The following SMAD7 variants were observed in gnomAD, a reference collection of about 807,000 sequenced individuals.
SMAD7 encodes SMAD family member 7.
In SMAD7, 8 loss-of-function variants were observed where a neutral mutation model predicts 38.7. The observed-to-expected ratio is 0.21, with a 90% CI of 0.12 to 0.37. SMAD7 has a LOEUF of 0.37. Among genes scored for constraint, SMAD7 ranks in the 10% least tolerant of loss-of-function variants. The probability of loss-of-function intolerance (pLI) is 1.00; values close to 1 mark genes in which losing one functional copy is unlikely to be tolerated. For missense variants in SMAD7, 477 were observed against 577.9 expected, an observed-to-expected ratio of 0.83 and a Z score of 1.79; for synonymous variants, 327 against 265.1, an observed-to-expected ratio of 1.23 and a Z score of -2.27.
intron 3 of SMAD7, among the ~76,000 whole-genome samples, chr18:48,942,026 T>C (rs2070146068): frequency 6.6e-6 from 1 of 152,210 alleles, no homozygotes; most frequent in South Asian, 2.1e-4. Context: ...AAGCCTCAGA[T>C]CTACTCTGAA....
intron 3 of SMAD7, among the ~76,000 whole-genome samples, chr18:48,929,573 T>TCACACACACACACACACACACA (rs6146310): frequency 1.5e-5 from 2 of 137,324 alleles, no homozygotes; most frequent in African/African-American, 5.7e-5. Context: ...TCTCTCTCAC[T>TCACACACACACACACACACACA]CACACACACA....
At position 48,921,185 on chromosome 18, in the gene SMAD7, C is replaced by T. The variant is rs1599217008; in HGVS notation, c.*187G>A. ...AACCCCCAACAATTCTTTTCATAAG[C>T]TATTTCTCAAAGAGCGAAACAAAAC... On this transcript the variant is annotated 3_prime_UTR_variant, in exon 4 of 4. Coordinates refer to ENST00000262158, the MANE Select transcript of SMAD7 (RefSeq NM_005904.4). The surrounding 1 kb of genome is among the most constrained non-coding windows in gnomAD (Gnocchi z 6.4). 7 of 580,848 alleles carry T rather than the reference C, an allele frequency of 1.2e-5. No individual in the cohort carries two copies. In the East Asian group the frequency reaches 2.0e-4, roughly 17 times the overall value. 36.0% of individuals were successfully genotyped at this position (580,848 alleles called of 1,614,324 possible). A position where few individuals can be genotyped will look rare whatever the true frequency, so the allele number is the denominator to read the frequency against.
intron 2 of SMAD7, among the ~76,000 whole-genome samples, chr18:48,944,480 C>T (rs893795412): frequency 1.3e-5 from 2 of 152,208 alleles, no homozygotes; most frequent in Admixed American, 6.5e-5. Flanking sequence ...GATTTACAAA[C>T]GTTAATTAAG....
rs71165354 is a variant in SMAD7 at position 48,937,264 on chromosome 18, A to ATGTGTGTGTGTGTGTGTGTG, written c.742+5197_742+5216dup. 5.8e-4 allele frequency among the ~76,000 whole-genome samples: 70 copies of ATGTGTGTGTGTGTGTGTGTG among 119,872 alleles called. 2 individuals carry two copies. The highest frequency in any genetic ancestry group is 1.4e-3 in the African/African-American group (41 of 29,878). The allele number at this position is 119,872 out of a possible 152,430, so 78.6% of individuals were successfully genotyped here. On this transcript the variant is annotated intron_variant, in intron 3 of 3. Coordinates refer to ENST00000262158, the MANE Select transcript of SMAD7 (RefSeq NM_005904.4). ...CAGTCAGGCTTTGCTAAGTAAAGGCATGTGTGTGTGTGTGTGTGTGTGTGT... is the reference window on the plus strand; with the variant it reads ...CAGTCAGGCTTTGCTAAGTAAAGGCATGTGTGTGTGTGTGTGTGTGTGTGTGTGTGTGTGTGTGTGTGTGT...
At chr18:48,942,371 G>A (rs1444826948) in intron 3 of SMAD7, 110 bp downstream of exon 3, 1 of 717,606 alleles carries the variant, frequency 1.4e-6, no homozygotes, top group Non-Finnish European at 2.4e-6. Flanking sequence ...ATAAAAATGA[G>A]AATGAAGTCC....
chr18:48,936,405 G>A (rs529499550), intron 3 of SMAD7, among the ~76,000 whole-genome samples: 15 of 152,280 alleles, frequency 9.9e-5, no homozygotes, highest in African/African-American at 3.1e-4. Flanking sequence ...GAATACATTC[G>A]GTGAACTGTG....
At chr18:48,929,742 T>C (rs964549418) in intron 3 of SMAD7, among the ~76,000 whole-genome samples, 4 of 151,952 alleles carry the variant, frequency 2.6e-5, no homozygotes, top group Non-Finnish European at 5.9e-5. Flanking sequence ...GAAACCAAGC[T>C]ACTTTTGCTG....
chr18:48,923,248 G>A (rs1353449651), intron 3 of SMAD7, among the ~76,000 whole-genome samples: 1 of 152,216 alleles, frequency 6.6e-6, no homozygotes, highest in African/African-American at 2.4e-5. Flanking sequence ...CACAAAGCAG[G>A]GGTTGAGTGT....
Position 48,950,297 on chromosome 18 carries a change from G to T in SMAD7, c.128C>A (p.Thr43Lys). ...ACCGGCCCCATGCGCTCGGCTGTCC[G>T]TCGCCCCTTCTCCCCGCAGCTCGCC... Reference protein sequence around the residue: ...GGGELRGEGATDSRAHGAGGG... With the variant: ...GGGELRGEGAKDSRAHGAGGG... Residue 43 changes from threonine (T) to lysine (K), a missense_variant, in exon 1 of 4, where the codon ACG becomes AAG. By Grantham distance (78) the Thr-to-Lys change is moderately conservative (BLOSUM62 -1). Coordinates refer to ENST00000262158, the MANE Select transcript of SMAD7 (RefSeq NM_005904.4). 6.5e-7 allele frequency: 1 copy of T among 1,531,248 alleles called. No homozygotes were observed. Among genetic ancestry groups the T allele is most frequent in the Non-Finnish European group, 8.8e-7 (1 of 1,140,230 alleles). 94.9% of individuals were successfully genotyped at this position (1,531,248 alleles called of 1,614,324 possible). A position where few individuals can be genotyped will look rare whatever the true frequency, so the allele number is the denominator to read the frequency against.
intron 3 of SMAD7, among the ~76,000 whole-genome samples, chr18:48,939,663 C>T (rs1205969783): frequency 6.6e-6 from 1 of 151,984 alleles, no homozygotes; most frequent in East Asian, 1.9e-4. Context: ...TGCTGCCGAC[C>T]TTCCTCCCAC....
At chr18:48,935,454 A>C (rs1340051065) in intron 3 of SMAD7, among the ~76,000 whole-genome samples, 1 of 152,100 alleles carries the variant, frequency 6.6e-6, no homozygotes, top group Non-Finnish European at 1.5e-5. Flanking sequence ...GGCTCCCGCA[A>C]AGGGAGGGTG....
rs986075114 is a variant in SMAD7 at position 48,947,900 on chromosome 18, C to CG, written c.667+483_667+484insC. Among the ~76,000 whole-genome samples the CG allele has an allele frequency of 2.0e-5, 3 of 150,324 alleles. 1 individual carries two copies. Among genetic ancestry groups the CG allele is most frequent in the Admixed American group, 1.3e-4 (2 of 15,114 alleles). On this transcript the variant is annotated intron_variant, in intron 2 of 3. Transcript: ENST00000262158. ...TGGAGCAGGAGGAACCTACCCCCCCCCCCCTTTTACTGGCTGTTGCCTATA... is the reference window on the plus strand; with the variant it reads ...TGGAGCAGGAGGAACCTACCCCCCCCGCCCCTTTTACTGGCTGTTGCCTATA...
intron 3 of SMAD7, among the ~76,000 whole-genome samples, chr18:48,934,506 T>C (rs562148573): frequency 8.2e-4 from 124 of 152,094 alleles, no homozygotes; most frequent in African/African-American, 2.9e-3. Flanking sequence ...CTAATGACAC[T>C]GGGTGGGGCT....
At chr18:48,935,200 C>A (rs1026841957) in intron 3 of SMAD7, among the ~76,000 whole-genome samples, 2 of 152,056 alleles carry the variant, frequency 1.3e-5, no homozygotes, top group East Asian at 3.8e-4. Context: ...CCAAGTGAGC[C>A]AACAGGTTTA....
intron 2 of SMAD7, 198 bp from the exon 3 acceptor site, chr18:48,942,753 C>G: frequency 1.4e-6 from 2 of 1,430,262 alleles, no homozygotes; most frequent in South Asian, 2.9e-5. Flanking sequence ...CCTTGTCACC[C>G]GTCTGGGCTC....
chr18:48,926,531 A>C (rs527834845), intron 3 of SMAD7, among the ~76,000 whole-genome samples: 89 of 152,354 alleles, frequency 5.8e-4, no homozygotes, highest in African/African-American at 1.9e-3. Flanking sequence ...CCCCTCCTCC[A>C]TGGTCCAGCA....
chr18:48,939,353 C>G (rs1481265203), intron 3 of SMAD7, among the ~76,000 whole-genome samples: 2 of 151,934 alleles, frequency 1.3e-5, no homozygotes, highest in Non-Finnish European at 2.9e-5. Flanking sequence ...AAGTCCCTAA[C>G]GACCAGGCCT....
At position 48,949,833 on chromosome 18, in the gene SMAD7, G is replaced by T; in HGVS notation, c.592C>A (p.Leu198Ile). 6.2e-7 allele frequency: 1 copy of T among 1,611,786 alleles called. No homozygotes were observed. The highest frequency in any genetic ancestry group is 8.5e-7 in the Non-Finnish European group (1 of 1,178,904). ...PELVCCNPHH[L>I]SRLCELESPP... is the part of the protein sequence containing the mutation. The stretch of plus-strand genomic sequence containing the variant: ...TCACCTAGTTCGCAGAGTCGGCTAA[G>T]GTGATGGGGGTTGCAGCACACCAGC... Residue 198 changes from leucine (L) to isoleucine (I), a missense_variant, in exon 1 of 4, where the codon CTT becomes ATT. Physicochemically the swap from Leu to Ile is conservative, Grantham distance 5 (BLOSUM62 2). This residue lies in a region of SMAD7 where 376 missense variants were observed against 379.4 expected (regional missense o/e 0.99). Transcript: ENST00000262158.
intron 2 of SMAD7, among the ~76,000 whole-genome samples, chr18:48,943,334 C>T (rs2070163072): frequency 6.6e-6 from 1 of 152,186 alleles, no homozygotes; most frequent in African/African-American, 2.4e-5. Flanking sequence ...CTGATTTTTA[C>T]CTTTAGATTG....
Sources: gnomAD v4.1 joint callset for allele counts (sites outside exome capture counted in the v4.1 genomes callset) on GRCh38, gnomAD v4.1.1 for gene constraint, gnomAD v4.1.1 regional missense constraint, Gnocchi (gnomAD v3.1) non-coding constraint, MANE v1.5 for transcripts, NCBI Gene and HGNC (gene_info 2026-07-23, HGNC 2026-07-21) for gene names.